FARP1: variants seen among roughly 807,000 people sequenced by gnomAD.
The protein encoded by FARP1 is FERM, ARH/RhoGEF and pleckstrin domain protein 1.
In FARP1, 52 loss-of-function variants were observed where a neutral mutation model predicts 128.8. The ratio of observed to expected loss-of-function variants is 0.40; its 90% CI spans 0.32 to 0.51. FARP1 has a LOEUF of 0.51. FARP1 is among the 20% of genes least tolerant of loss of function. The pLI is 0.45. For synonymous variants in FARP1, 580 were observed against 551.8 expected (o/e 1.05, Z -0.72); for missense variants, 1,333 against 1,367.9 (o/e 0.97, Z 0.40).
intron 2 of FARP1, among the ~76,000 whole-genome samples, chr13:98,269,631 A>G (rs1054027884): frequency 2.6e-5 from 4 of 152,256 alleles, no homozygotes; most frequent in African/African-American, 9.6e-5. Context: ...TTGGGTCAAC[A>G]TAATATTTAG....
intron 1 of FARP1, among the ~76,000 whole-genome samples, chr13:98,179,245 T>C (rs1217830720): frequency 6.6e-6 from 1 of 152,158 alleles, no homozygotes; most frequent in East Asian, 1.9e-4. Context: ...TGAAAGGGGT[T>C]TGCCCTTATA....
intron 1 of FARP1, among the ~76,000 whole-genome samples, chr13:98,201,910 C>T (rs1879976978): frequency 6.6e-6 from 1 of 152,128 alleles, no homozygotes; most frequent in South Asian, 2.1e-4. Flanking sequence ...TCTCCTTTTT[C>T]CAAATGATCA....
intron 24 of FARP1, among the ~76,000 whole-genome samples, chr13:98,443,951 C>G (rs1231744237): frequency 8.0e-5 from 1 of 12,562 alleles, no homozygotes; most frequent in African/African-American, 1.5e-4. Context: ...TGGCGTCACT[C>G]GGCACCAACC....
At chr13:98,424,735 C>A in intron 17 of FARP1, 85 bp downstream of exon 17, 1 of 901,326 alleles carries the variant, frequency 1.1e-6, no homozygotes, top group Non-Finnish European at 1.8e-6. Flanking sequence ...TAAGCCATTT[C>A]CATCAGCATG....
intron 1 of FARP1, among the ~76,000 whole-genome samples, chr13:98,168,723 G>A (rs1166216319): frequency 6.6e-6 from 1 of 152,082 alleles, no homozygotes. Flanking sequence ...CTTCATTCTG[G>A]TAGAGCCCTT....
chr13:98,342,157 G>A (rs1244813688), intron 2 of FARP1, among the ~76,000 whole-genome samples: 8 of 152,192 alleles, frequency 5.3e-5, no homozygotes, highest in Non-Finnish European at 1.0e-4. Context: ...AGTGCTACAG[G>A]AATGTAGAGG....
chr13:98,403,971 AC>A (rs1188796049), intron 13 of FARP1: 1 of 152,940 alleles, frequency 6.5e-6, no homozygotes. Context: ...GGTACGAAGC[AC>A]CATGTTCCCA....
Position 98,431,153 on chromosome 13 carries a change from G to A in FARP1, c.2016G>A (p.Lys672=). Residue 672 remains lysine, a synonymous_variant, in exon 18 of 27, where the codon AAG becomes AAA. Coordinates refer to ENST00000319562, the MANE Select transcript of FARP1 (RefSeq NM_005766.4). The part of the protein sequence containing the change: ...ENFCRDFELQ[K]VCYLPLNTFL... Reference sequence around the variant, plus strand: ...TCTGCAGAGACTTTGAGCTGCAGAAGGTGTGTTACCTACCGCTCAACACCT... The same window carrying A: ...TCTGCAGAGACTTTGAGCTGCAGAAAGTGTGTTACCTACCGCTCAACACCT... 1 of 1,614,064 alleles carries A rather than the reference G, an allele frequency of 6.2e-7. No homozygotes were observed. The highest frequency in any genetic ancestry group is 2.2e-5 in the East Asian group (1 of 44,866).
intron 3 of FARP1, among the ~76,000 whole-genome samples, chr13:98,360,209 C>T (rs1214853337): frequency 6.6e-6 from 1 of 151,004 alleles, no homozygotes; most frequent in Non-Finnish European, 1.5e-5. Context: ...AATTCTCCTG[C>T]CTCAGCCTCC....
At chr13:98,226,154 T>G (rs2139382956) in intron 2 of FARP1, among the ~76,000 whole-genome samples, 1 of 152,348 alleles carries the variant, frequency 6.6e-6, no homozygotes, top group Non-Finnish European at 1.5e-5. Flanking sequence ...GGAGACCAGC[T>G]GTCTGAGATC....
intron 1 of FARP1, among the ~76,000 whole-genome samples, chr13:98,199,561 G>A (rs1326431544): frequency 2.6e-5 from 4 of 152,230 alleles, no homozygotes; most frequent in Non-Finnish European, 5.9e-5. Context: ...AAGGCATTGA[G>A]TAAGCAAAGC....
intron 2 of FARP1, among the ~76,000 whole-genome samples, chr13:98,309,492 T>A (rs1886355569): frequency 6.6e-6 from 1 of 152,288 alleles, no homozygotes; most frequent in African/African-American, 2.4e-5. Flanking sequence ...TTAAACTTTT[T>A]AAAATATGGC....
chr13:98,277,797 T>A (rs1884729948), intron 2 of FARP1, among the ~76,000 whole-genome samples: 1 of 152,192 alleles, frequency 6.6e-6, no homozygotes, highest in Admixed American at 6.5e-5. Flanking sequence ...CCTATTAGAA[T>A]CATCTAGAAA....
Position 98,388,400 on chromosome 13 carries a change from T to C in FARP1, c.777T>C (p.Asn259=). 1.2e-6 allele frequency: 2 copies of C among 1,613,908 alleles called. No individual in the cohort carries two copies. The highest frequency in any genetic ancestry group is 1.7e-6 in the Non-Finnish European group (2 of 1,179,750). ...CTTTTTAGGGTTTCACTAAGATCAA[T>C]GCCTTCAACTGGGCCAAGGTGCGGA... The part of the protein sequence containing the change: ...ILVFQGFTKI[N]AFNWAKVRKL... The change falls in exon 9 of 27, where the codon AAT becomes AAC. Residue 259 remains asparagine, a synonymous_variant. Transcript: ENST00000319562.
intron 2 of FARP1, among the ~76,000 whole-genome samples, chr13:98,336,673 C>T (rs1041446290): frequency 1.1e-4 from 17 of 152,270 alleles, no homozygotes; most frequent in Admixed American, 9.8e-4. Context: ...GTATTCAGTG[C>T]GTACTTGCCA....
At chr13:98,300,535 A>G (rs1885880115) in intron 2 of FARP1, among the ~76,000 whole-genome samples, 1 of 152,212 alleles carries the variant, frequency 6.6e-6, no homozygotes, top group Admixed American at 6.5e-5. Context: ...TTTTATAAAC[A>G]TATACAAAAT....
intron 2 of FARP1, among the ~76,000 whole-genome samples, chr13:98,282,220 CCTGAGCATAGGGACCTGTGATCACAGCA>C (rs2139628926): frequency 6.6e-6 from 1 of 152,208 alleles, no homozygotes; most frequent in East Asian, 1.9e-4. Flanking sequence ...GGAAGGGTCA[CCTGAGCATAGGGACCTGTGATCACAGCA>C]CTGTACTTCA....
chr13:98,372,510 C>T (rs1889393616), intron 5 of FARP1, among the ~76,000 whole-genome samples: 1 of 152,150 alleles, frequency 6.6e-6, no homozygotes, highest in African/African-American at 2.4e-5. Flanking sequence ...TTCTACTTGC[C>T]TGTGTTCTTA....
At chr13:98,313,592 C>T (rs1293957561) in intron 2 of FARP1, among the ~76,000 whole-genome samples, 3 of 152,160 alleles carry the variant, frequency 2.0e-5, no homozygotes, top group South Asian at 2.1e-4. Flanking sequence ...GACCTTTGTC[C>T]CTAAGAAACT....
Sources: allele counts gnomAD v4.1 joint callset (sites outside exome capture counted in the v4.1 genomes callset), GRCh38; gene constraint gnomAD v4.1.1; transcripts MANE v1.5; gene names NCBI Gene and HGNC (gene_info 2026-07-23, HGNC 2026-07-21).